CEP85L: variants seen among roughly 807,000 people sequenced by gnomAD.
CEP85L encodes centrosomal protein of 85 kDa-like.
CEP85L carries 60 observed loss-of-function variants against 100.3 expected under a neutral mutation model. That is an observed-to-expected ratio of 0.60 (90% confidence interval 0.49 to 0.74). The LOEUF is 0.74. Among genes scored for constraint, CEP85L ranks in the 30% least tolerant of loss-of-function variants. The pLI is 0.00. For synonymous variants in CEP85L, 319 were observed against 322.7 expected (o/e 0.99, Z 0.12); for missense variants, 973 against 936.2 (o/e 1.04, Z -0.51).
At chr6:118,546,143 G>C (rs1292532237) in intron 3 of CEP85L, among the ~76,000 whole-genome samples, 4 of 152,040 alleles carry the variant, frequency 2.6e-5, no homozygotes, top group African/African-American at 9.7e-5. Flanking sequence ...ATACTTCCTA[G>C]AGTTCCACAT....
chr6:118,563,382 T>C (rs1020886754), intron 3 of CEP85L, among the ~76,000 whole-genome samples: 1 of 152,158 alleles, frequency 6.6e-6, no homozygotes, highest in African/African-American at 2.4e-5. Context: ...GAGAATCAAA[T>C]GAGATAAAAT....
intron 3 of CEP85L, among the ~76,000 whole-genome samples, chr6:118,546,379 C>T (rs185171637): frequency 9.2e-5 from 14 of 152,202 alleles, no homozygotes; most frequent in Non-Finnish European, 1.3e-4. Flanking sequence ...ATTCTGTCTA[C>T]GGCAGCTTCT....
At chr6:118,666,548 A>G (rs1038253485) in intron 1 of CEP85L, among the ~76,000 whole-genome samples, 4 of 152,166 alleles carry the variant, frequency 2.6e-5, no homozygotes, top group African/African-American at 9.7e-5. Context: ...AGCTCATTCA[A>G]TCCTCACATT....
Position 118,565,860 on chromosome 6 carries a change from T to C in CEP85L, c.689A>G (p.Tyr230Cys), listed in dbSNP as rs143565368. 14 of 1,614,020 alleles carry C rather than the reference T, an allele frequency of 8.7e-6. No homozygotes were observed. The African/African-American group carries it at 1.7e-4, about 20-fold the overall frequency. The change falls in exon 3 of 13, where the codon TAT becomes TGT. Residue 230 changes from tyrosine (Y) to cysteine (C), a missense_variant. Physicochemically the swap from Tyr to Cys is radical, Grantham distance 194. This residue lies in a region of CEP85L where 890 missense variants were observed against 844.5 expected (regional missense o/e 1.05). Transcript: ENST00000368491. ...KKRSSTLDCK[Y>C]KFESCSKEDF... ...CTCCTTGCTACAGCTCTCAAATTTA[T>C]ACTTGCAGTCCAGAGTTGATGACCG...
At chr6:118,475,347 A>ATATTTT (rs1470175603) in intron 10 of CEP85L, among the ~76,000 whole-genome samples, 1 of 79,038 alleles carries the variant, frequency 1.3e-5, no homozygotes. Flanking sequence ...TGTAGGTGAC[A>ATATTTT]TTTTTTTTTT....
At chr6:118,628,514 G>C (rs966328364) in intron 2 of CEP85L, among the ~76,000 whole-genome samples, 1 of 151,530 alleles carries the variant, frequency 6.6e-6, no homozygotes, top group African/African-American at 2.4e-5. Context: ...AGAGAAAAAG[G>C]CTGGTAAAAA....
At chr6:118,666,025 A>G (rs1228516850) in intron 1 of CEP85L, among the ~76,000 whole-genome samples, 3 of 152,192 alleles carry the variant, frequency 2.0e-5, no homozygotes, top group Admixed American at 6.5e-5. Flanking sequence ...ACAAACATTT[A>G]TTTAACTTTT....
chr6:118,504,634 T>C (rs1775527426), intron 5 of CEP85L, among the ~76,000 whole-genome samples: 1 of 152,190 alleles, frequency 6.6e-6, no homozygotes, highest in South Asian at 2.1e-4. Flanking sequence ...AAAAAGCTTC[T>C]GAGTTTCAGC....
At chr6:118,471,148 G>A (rs1386079834) in intron 10 of CEP85L, among the ~76,000 whole-genome samples, 1 of 151,962 alleles carries the variant, frequency 6.6e-6, no homozygotes, top group Non-Finnish European at 1.5e-5. Flanking sequence ...TGAATATACT[G>A]TGAACTCTGG....
intron 5 of CEP85L, among the ~76,000 whole-genome samples, chr6:118,493,077 A>T (rs1425929466): frequency 1.3e-5 from 2 of 152,132 alleles, no homozygotes; most frequent in Non-Finnish European, 2.9e-5. Context: ...TGTTAAGTAC[A>T]AAGTATTGGG....
At chr6:118,482,028 T>C (rs1313909674) in intron 7 of CEP85L, 95 bp from the exon 8 acceptor site, 4 of 522,830 alleles carry the variant, frequency 7.7e-6, no homozygotes, top group Admixed American at 5.3e-5. Flanking sequence ...AACAGACTTG[T>C]AGCTAAAAAA....
intron 1 of CEP85L, among the ~76,000 whole-genome samples, chr6:118,695,969 G>T (rs1469638304): frequency 6.6e-6 from 1 of 152,122 alleles, no homozygotes; most frequent in Non-Finnish European, 1.5e-5. Flanking sequence ...ACTAGCAAGT[G>T]TCAGACACAA....
intron 3 of CEP85L, among the ~76,000 whole-genome samples, chr6:118,524,237 G>A (rs944795024): frequency 2.0e-5 from 3 of 152,222 alleles, no homozygotes; most frequent in African/African-American, 7.2e-5. Flanking sequence ...GAGGTCAGGA[G>A]ATCACCACCA....
chr6:118,616,869 C>T lies in CEP85L; in HGVS notation c.232+15584G>A, dbSNP rs189630699. On this transcript the variant is annotated intron_variant, in intron 2 of 12. Coordinates refer to ENST00000368491, the MANE Select transcript of CEP85L (RefSeq NM_001042475.3). ...CTGAGGCAGGAGAATCACTTGAACCCGGGAGGCGGAGCTTGCAGTGAACCA... is the reference window on the plus strand; with the variant it reads ...CTGAGGCAGGAGAATCACTTGAACCTGGGAGGCGGAGCTTGCAGTGAACCA... Among the ~76,000 whole-genome samples the T allele has an allele frequency of 4.6e-5, 7 of 151,110 alleles. No individual in the cohort carries two copies. In the East Asian group the frequency reaches 1.2e-3, roughly 25 times the overall value.
At chr6:118,493,859 A>G (rs534952214) in intron 5 of CEP85L, among the ~76,000 whole-genome samples, 1 of 152,294 alleles carries the variant, frequency 6.6e-6, no homozygotes, top group Non-Finnish European at 1.5e-5. Context: ...CCAGGCAGAA[A>G]GATAGATATG....
At chr6:118,543,136 A>G (rs1365857455) in intron 3 of CEP85L, among the ~76,000 whole-genome samples, 1 of 151,806 alleles carries the variant, frequency 6.6e-6, no homozygotes, top group East Asian at 1.9e-4. Context: ...CCAATTCATG[A>G]ATCATTAATC....
chr6:118,645,936 G>C (rs1248593383), intron 1 of CEP85L, among the ~76,000 whole-genome samples: 1 of 152,076 alleles, frequency 6.6e-6, no homozygotes, highest in Non-Finnish European at 1.5e-5. Context: ...AAAGTAATTT[G>C]GGGCCAGGCG....
At chr6:118,680,306 CTTTTTT>C (rs57764027) in intron 1 of CEP85L, among the ~76,000 whole-genome samples, 10,990 of 55,934 alleles carry the variant, frequency 0.2, 920 homozygotes, top group African/African-American at 0.41. Context: ...CTTGGTGTTG[CTTTTTT>C]TTTTTTTTTT....
chr6:118,571,644 C>CA (rs1404261518), intron 2 of CEP85L, among the ~76,000 whole-genome samples: 3 of 151,070 alleles, frequency 2.0e-5, no homozygotes, highest in Non-Finnish European at 3.0e-5. Context: ...GAATTAAATG[C>CA]AAAAAAAGAC....
Sources: allele counts gnomAD v4.1 joint callset (sites outside exome capture counted in the v4.1 genomes callset), GRCh38; gene constraint gnomAD v4.1.1; regional missense constraint gnomAD v4.1.1; transcripts MANE v1.5; gene names NCBI Gene and HGNC (gene_info 2026-07-23, HGNC 2026-07-21).